GALNT13: variants seen among roughly 807,000 people sequenced by gnomAD.
GALNT13 encodes the protein UDP-GalNAc:polypeptide N-acetylgalactosaminyltransferase 13.
A neutral mutation model predicts 64.2 loss-of-function variants in GALNT13; 28 were observed. The observed-to-expected ratio is 0.44, with a 90% CI of 0.32 to 0.60. GALNT13 has a LOEUF of 0.60. GALNT13 is among the 20% of genes least tolerant of loss of function. The pLI, the probability that GALNT13 is intolerant of heterozygous loss-of-function variation, is 0.05. For synonymous variants in GALNT13, 214 were observed against 224.6 expected (o/e 0.95, Z 0.42); for missense variants, 577 against 669.8 (o/e 0.86, Z 1.53).
chr2:154,344,805 G>A (rs1211299458), intron 9 of GALNT13, among the ~76,000 whole-genome samples: 1 of 151,970 alleles, frequency 6.6e-6, no homozygotes, highest in African/African-American at 2.4e-5. Context: ...AATAGAATTT[G>A]AGAAAGGTAT....
chr2:153,554,990 T>A, the GALNT13 span, among the ~76,000 whole-genome samples: 1 of 152,186 alleles, frequency 6.6e-6, no homozygotes, highest in South Asian at 2.1e-4. Context: ...GCCTAATATA[T>A]CACCTAGCAC....
the GALNT13 span, among the ~76,000 whole-genome samples, chr2:153,371,443 G>A: frequency 6.6e-6 from 1 of 152,056 alleles, no homozygotes; most frequent in Admixed American, 6.6e-5. Flanking sequence ...GTACAAAAAA[G>A]TTTATAGCAC....
chr2:154,413,693 C>T (rs1699888599), intron 11 of GALNT13, among the ~76,000 whole-genome samples: 2 of 151,920 alleles, frequency 1.3e-5, no homozygotes, highest in South Asian at 4.1e-4. Flanking sequence ...TGAAATTGAG[C>T]TGTTGGCTAC....
At chr2:153,206,122 G>C in the GALNT13 span, among the ~76,000 whole-genome samples, 1 of 151,980 alleles carries the variant, frequency 6.6e-6, no homozygotes, top group African/African-American at 2.4e-5. Context: ...TCAGTCAATA[G>C]AGCCAAAAGT....
chr2:153,463,222 TATG>T, the GALNT13 span, among the ~76,000 whole-genome samples: 1 of 151,976 alleles, frequency 6.6e-6, no homozygotes, highest in African/African-American at 2.4e-5. Flanking sequence ...TGAAGAAAAA[TATG>T]ATGATATCTT....
At chr2:153,189,310 G>T in the GALNT13 span, among the ~76,000 whole-genome samples, 1 of 152,064 alleles carries the variant, frequency 6.6e-6, no homozygotes, top group Non-Finnish European at 1.5e-5. Context: ...TGTAACATAT[G>T]AGTACATGCA....
the GALNT13 span, among the ~76,000 whole-genome samples, chr2:153,653,124 A>T: frequency 6.6e-6 from 1 of 152,174 alleles, no homozygotes; most frequent in African/African-American, 2.4e-5. Flanking sequence ...TTCCAAATTT[A>T]TCTACTATTT....
At chr2:154,057,580 A>T (rs1411089233) in intron 3 of GALNT13, among the ~76,000 whole-genome samples, 1 of 152,202 alleles carries the variant, frequency 6.6e-6, no homozygotes, top group Non-Finnish European at 1.5e-5. Context: ...ACCCAAATCA[A>T]CTGTATTAAA....
At chr2:154,109,571 T>G in intron 3 of GALNT13, among the ~76,000 whole-genome samples, 1 of 152,104 alleles carries the variant, frequency 6.6e-6, no homozygotes, top group African/African-American at 2.4e-5. Flanking sequence ...AGGAAGGACT[T>G]CAATTATTCA....
the GALNT13 span, among the ~76,000 whole-genome samples, chr2:153,129,541 G>A: frequency 2.0e-5 from 3 of 152,138 alleles, no homozygotes; most frequent in Non-Finnish European, 4.4e-5. Flanking sequence ...TTGGGAGGCC[G>A]AGGTGAGCAG....
intron 3 of GALNT13, among the ~76,000 whole-genome samples, chr2:153,946,972 C>T (rs558433629): frequency 6.6e-6 from 1 of 150,550 alleles, no homozygotes; most frequent in African/African-American, 2.4e-5. Flanking sequence ...GAAATTTTCA[C>T]ATTTTAGGTC....
At chr2:153,182,075 G>A in the GALNT13 span, among the ~76,000 whole-genome samples, 4 of 149,632 alleles carry the variant, frequency 2.7e-5, no homozygotes, top group Non-Finnish European at 5.9e-5. Flanking sequence ...GCGGGGTCTC[G>A]CTCTGTCGCC....
chr2:153,236,267 G>C, the GALNT13 span, among the ~76,000 whole-genome samples: 20,563 of 152,198 alleles, frequency 0.14, 1,664 homozygotes, highest in Non-Finnish European at 0.18. Context: ...TGCTGACATA[G>C]AAGCTGGAGC....
chr2:153,801,295 A>C, the GALNT13 span, among the ~76,000 whole-genome samples: 7 of 149,040 alleles, frequency 4.7e-5, no homozygotes, highest in Non-Finnish European at 8.9e-5. Context: ...TTGGCTCAAG[A>C]TGCCTAGTTT....
At chr2:153,444,209 C>G in the GALNT13 span, among the ~76,000 whole-genome samples, 2 of 152,162 alleles carry the variant, frequency 1.3e-5, no homozygotes, top group African/African-American at 4.8e-5. Flanking sequence ...ACCTACCTAC[C>G]TACCTACTTG....
intron 3 of GALNT13, among the ~76,000 whole-genome samples, chr2:153,963,375 C>T (rs886958568): frequency 6.6e-6 from 1 of 152,170 alleles, no homozygotes; most frequent in African/African-American, 2.4e-5. Context: ...ATGAATAAAG[C>T]TGCTACATTC....
At chr2:153,951,690 T>A (rs930556219) in intron 3 of GALNT13, among the ~76,000 whole-genome samples, 1 of 152,162 alleles carries the variant, frequency 6.6e-6, no homozygotes. Flanking sequence ...GAGTTTGATA[T>A]GCCTGTTAGG....
intron 2 of GALNT13, among the ~76,000 whole-genome samples, chr2:153,906,118 T>C (rs938503633): frequency 1.3e-5 from 2 of 151,926 alleles, no homozygotes; most frequent in Non-Finnish European, 2.9e-5. Flanking sequence ...ACTGGAACCA[T>C]GGAAGGCAAA....
the GALNT13 span, among the ~76,000 whole-genome samples, chr2:153,531,207 A>T: frequency 6.6e-6 from 1 of 152,282 alleles, no homozygotes; most frequent in East Asian, 1.9e-4. Context: ...AAGAAAAGAG[A>T]TTTAATTGGC....
Sources: allele counts gnomAD v4.1 joint callset (sites outside exome capture counted in the v4.1 genomes callset), GRCh38; gene constraint gnomAD v4.1.1; transcripts MANE v1.5; gene names NCBI Gene and HGNC (gene_info 2026-07-23, HGNC 2026-07-21).